PSD3: variants seen among roughly 807,000 people sequenced by gnomAD.
PSD3 encodes the protein pleckstrin and Sec7 domain containing 3, also known as PH and SEC7 domain-containing protein 3.
PSD3 carries 49 observed loss-of-function variants against 105.5 expected under a neutral mutation model. The observed-to-expected ratio is 0.46, with a 90% CI of 0.37 to 0.59. The LOEUF (loss-of-function observed/expected upper bound fraction) is 0.59, where lower values mean the gene tolerates loss of function less well. Ranked by LOEUF, PSD3 falls within the 20% of genes least tolerant of loss-of-function variation. PSD3 has a pLI of 0.00. For missense variants in PSD3, 1,561 were observed against 1,263.8 expected (o/e 1.24, Z -3.57); for synonymous variants, 557 against 457.8 (o/e 1.22, Z -2.77).
chr8:19,007,027 G>T (rs1164619878), intron 1 of PSD3, among the ~76,000 whole-genome samples: 2 of 152,050 alleles, frequency 1.3e-5, no homozygotes, highest in Non-Finnish European at 2.9e-5. Context: ...GGCTGAGGGG[G>T]ACAGATCACC....
At chr8:18,821,117 C>G (rs1812661281) in intron 4 of PSD3, among the ~76,000 whole-genome samples, 1 of 151,630 alleles carries the variant, frequency 6.6e-6, no homozygotes, top group African/African-American at 2.4e-5. Flanking sequence ...TCATGACATT[C>G]AAACAATGAC....
intron 9 of PSD3, among the ~76,000 whole-genome samples, chr8:18,664,603 C>G (rs1225554150): frequency 3.9e-5 from 6 of 152,192 alleles, no homozygotes; most frequent in Non-Finnish European, 7.3e-5. Context: ...AGCAAGTTAT[C>G]CAGAAGATCC....
At chr8:18,590,496 AAAACAG>A (rs1803520228) in intron 12 of PSD3, among the ~76,000 whole-genome samples, 1 of 152,238 alleles carries the variant, frequency 6.6e-6, no homozygotes. Context: ...TAATACACTG[AAAACAG>A]ACATGTTGTC....
At chr8:18,602,734 G>A (rs564484652) in intron 11 of PSD3, among the ~76,000 whole-genome samples, 10 of 152,180 alleles carry the variant, frequency 6.6e-5, no homozygotes, top group African/African-American at 2.4e-4. Context: ...CACTAAAGTG[G>A]GCTGGGAAGG....
At chr8:18,827,975 C>A (rs1308961141) in intron 4 of PSD3, among the ~76,000 whole-genome samples, 2 of 144,014 alleles carry the variant, frequency 1.4e-5, no homozygotes, top group Non-Finnish European at 3.0e-5. Flanking sequence ...ACACTTAAAT[C>A]ATTTGGGTCT....
chr8:18,987,436 C>T (rs1242419156), intron 1 of PSD3, among the ~76,000 whole-genome samples: 2 of 151,944 alleles, frequency 1.3e-5, no homozygotes, highest in Non-Finnish European at 2.9e-5. Context: ...TACAGGCACC[C>T]GCCACCACGC....
At chr8:19,058,767 G>A (rs1308227515) in intron 1 of PSD3, among the ~76,000 whole-genome samples, 1 of 152,238 alleles carries the variant, frequency 6.6e-6, no homozygotes, top group South Asian at 2.1e-4. Flanking sequence ...TTGATGGTTA[G>A]TGGCTCATCA....
At chr8:18,793,928 T>C (rs2129446631) in intron 8 of PSD3, among the ~76,000 whole-genome samples, 1 of 152,268 alleles carries the variant, frequency 6.6e-6, no homozygotes, top group East Asian at 1.9e-4. Flanking sequence ...AGTGAAAATA[T>C]AAAATAGCAC....
intron 4 of PSD3, among the ~76,000 whole-genome samples, chr8:18,853,672 T>C (rs534580113): frequency 6.6e-6 from 1 of 152,298 alleles, no homozygotes; most frequent in South Asian, 2.1e-4. Flanking sequence ...TTCAGAGCAG[T>C]GATATACCAA....
Position 19,076,264 on chromosome 8 carries a change from G to C in PSD3, c.324+7942C>G, listed in dbSNP as rs116559912. On this transcript the variant is annotated intron_variant, in intron 1 of 1. Coordinates refer to the PSD3 transcript ENST00000521475. ...TTCAGTTGAAAATATTTATTTTATA[G>C]GTTGTTTAAAGCACAGAGTAGAGCT... Among the ~76,000 whole-genome samples, 1,277 of 152,290 alleles carry C rather than the reference G, an allele frequency of 8.4e-3. 22 individuals carry two copies. Among genetic ancestry groups the C allele is most frequent in the African/African-American group, 0.029 (1,196 of 41,562 alleles).
intron 15 of PSD3, among the ~76,000 whole-genome samples, chr8:18,540,358 T>C (rs1404084823): frequency 6.6e-6 from 1 of 152,232 alleles, no homozygotes; most frequent in Non-Finnish European, 1.5e-5. Context: ...TTTGCTTTAT[T>C]GCAATACTCT....
chr8:18,923,064 G>A (rs931513736), intron 2 of PSD3, among the ~76,000 whole-genome samples: 4 of 152,132 alleles, frequency 2.6e-5, no homozygotes, highest in African/African-American at 9.7e-5. Context: ...AGAGGTTAGG[G>A]GATGGGACTG....
chr8:18,665,962 A>C (rs1799427114), intron 9 of PSD3, among the ~76,000 whole-genome samples: 1 of 152,384 alleles, frequency 6.6e-6, no homozygotes, highest in African/African-American at 2.4e-5. Flanking sequence ...GTCAGCAGCC[A>C]TCAACATCAA....
intron 10 of PSD3, among the ~76,000 whole-genome samples, chr8:18,645,652 A>C (rs1807979099): frequency 6.6e-6 from 1 of 152,078 alleles, no homozygotes; most frequent in African/African-American, 2.4e-5. Flanking sequence ...GTGACACAGT[A>C]TCTGCCATGT....
At chr8:18,603,128 A>T (rs558270720) in intron 11 of PSD3, among the ~76,000 whole-genome samples, 2 of 152,346 alleles carry the variant, frequency 1.3e-5, no homozygotes, top group East Asian at 3.9e-4. Flanking sequence ...GAGTTTGATT[A>T]AAAGACACCA....
chr8:18,755,431 AC>A lies in PSD3; in HGVS notation c.2172+10017del, dbSNP rs1251536647. ...GGCAACAGAGTGAGACCCTGTCTCA[AC>A]ATAACATAACATAACATAACATAAC... On this transcript the variant is annotated intron_variant, in intron 9 of 15. Coordinates refer to ENST00000327040, the MANE Select transcript of PSD3 (RefSeq NM_015310.4). Among the ~76,000 whole-genome samples the A allele has an allele frequency of 9.5e-3, 1,339 of 140,874 alleles. 25 individuals are homozygous for A. Among genetic ancestry groups the A allele is most frequent in the African/African-American group, 0.029 (1,076 of 37,178 alleles). 92.4% of individuals were successfully genotyped at this position (140,874 alleles called of 152,430 possible). A position where few individuals can be genotyped will look rare whatever the true frequency, so the allele number is the denominator to read the frequency against.
chr8:18,930,386 A>G (rs1293454894), intron 2 of PSD3, among the ~76,000 whole-genome samples: 2 of 152,186 alleles, frequency 1.3e-5, no homozygotes, highest in African/African-American at 4.8e-5. Context: ...TTCATTCCTC[A>G]TTCAGTTACC....
At chr8:18,974,158 A>T (rs1002040384) in intron 1 of PSD3, among the ~76,000 whole-genome samples, 4 of 152,252 alleles carry the variant, frequency 2.6e-5, no homozygotes, top group African/African-American at 9.6e-5. Context: ...TTCTCTCCAT[A>T]GATTGTCAGA....
chr8:18,869,509 G>A (rs1467980578), intron 3 of PSD3, among the ~76,000 whole-genome samples: 2 of 152,108 alleles, frequency 1.3e-5, no homozygotes, highest in East Asian at 3.9e-4. Flanking sequence ...AGCCACACAG[G>A]GAGAGTTTCA....
Sources: allele counts gnomAD v4.1 joint callset (sites outside exome capture counted in the v4.1 genomes callset), GRCh38; gene constraint gnomAD v4.1.1; transcripts MANE v1.5; gene names NCBI Gene and HGNC (gene_info 2026-07-23, HGNC 2026-07-21).